Variants in DPYD observed in about 807,000 individuals in gnomAD.
DPYD encodes dihydropyrimidine dehydrogenase [NADP(+)].
In DPYD, 109 loss-of-function variants were observed where a neutral mutation model predicts 116.2. The observed-to-expected ratio is 0.94, with a 90% CI of 0.80 to 1.10. The LOEUF (loss-of-function observed/expected upper bound fraction) is 1.10, where lower values mean the gene tolerates loss of function less well. DPYD is among the 50% of genes least tolerant of loss of function. The pLI, the probability that DPYD is intolerant of heterozygous loss-of-function variation, is 0.00. For missense variants in DPYD, 1,302 were observed against 1,254.5 expected (o/e 1.04, Z -0.57); for synonymous variants, 440 against 432.0 (o/e 1.02, Z -0.23).
intron 14 of DPYD, among the ~76,000 whole-genome samples, chr1:97,418,113 C>G (rs1326880140): frequency 6.6e-6 from 1 of 152,078 alleles, no homozygotes; most frequent in Non-Finnish European, 1.5e-5. Flanking sequence ...TGTGCTTTAG[C>G]ATAACTTACA....
chr1:97,474,644 T>C (rs1382260133), intron 13 of DPYD, among the ~76,000 whole-genome samples: 3 of 151,874 alleles, frequency 2.0e-5, no homozygotes, highest in Admixed American at 1.3e-4. Context: ...AAACAAAAAA[T>C]AAATGATAAA....
chr1:97,393,619 G>A (rs9728815), intron 14 of DPYD, among the ~76,000 whole-genome samples: 29,174 of 151,914 alleles, frequency 0.19, 2,969 homozygotes, highest in South Asian at 0.38. Flanking sequence ...CAAAGGACAT[G>A]GACTCATCCT....
At chr1:97,526,982 A>C (rs1649152585) in intron 12 of DPYD, among the ~76,000 whole-genome samples, 1 of 152,188 alleles carries the variant, frequency 6.6e-6, no homozygotes, top group South Asian at 2.1e-4. Context: ...GGCCCAAAGA[A>C]AGTAAACTGC....
Position 97,846,113 on chromosome 1 carries a change from G to A in DPYD, c.151-17917C>T, listed in dbSNP as rs151110145. 7.5e-3 allele frequency among the ~76,000 whole-genome samples: 1,146 copies of A among 152,318 alleles called. 8 individuals carry two copies. Among genetic ancestry groups the A allele is most frequent in the Non-Finnish European group, 0.013 (875 of 68,008 alleles). ...CTGCTGGGCCGAGTGGGCAGAATGA[G>A]CCCAGGTGGCATGGGCAATACTCAG... On this transcript the variant is annotated intron_variant, in intron 2 of 22. Transcript: ENST00000370192.
intron 20 of DPYD, among the ~76,000 whole-genome samples, chr1:97,134,563 T>A (rs1318582923): frequency 6.6e-6 from 1 of 152,210 alleles, no homozygotes; most frequent in Non-Finnish European, 1.5e-5. Context: ...TTATGCCATT[T>A]TACCAAGTTT....
chr1:97,436,584 AAG>A (rs1178586841), intron 14 of DPYD, among the ~76,000 whole-genome samples: 2 of 152,016 alleles, frequency 1.3e-5, no homozygotes, highest in Non-Finnish European at 2.9e-5. Context: ...GTATTTGAGA[AAG>A]AGTATGTTGT....
At chr1:97,778,089 C>T (rs773446091) in intron 3 of DPYD, among the ~76,000 whole-genome samples, 1 of 139,912 alleles carries the variant, frequency 7.1e-6, no homozygotes, top group South Asian at 2.3e-4. Flanking sequence ...ACCCATGAGA[C>T]GGAGATTGCA....
At chr1:97,155,477 G>T (rs2101729637) in intron 20 of DPYD, among the ~76,000 whole-genome samples, 1 of 152,092 alleles carries the variant, frequency 6.6e-6, no homozygotes. Context: ...TCCATGATTT[G>T]TCTCTGGATA....
At chr1:97,782,652 G>A (rs553247223) in intron 3 of DPYD, among the ~76,000 whole-genome samples, 2 of 152,256 alleles carry the variant, frequency 1.3e-5, no homozygotes, top group African/African-American at 4.8e-5. Context: ...TAGTATAAAG[G>A]CAAGACCAGT....
intron 12 of DPYD, among the ~76,000 whole-genome samples, chr1:97,520,760 A>G (rs1165805834): frequency 2.6e-5 from 4 of 152,096 alleles, no homozygotes; most frequent in Admixed American, 2.6e-4. Context: ...TTTGCTGAGA[A>G]TGGTGGTTTC....
At chr1:97,517,776 G>C (rs1648337521) in intron 12 of DPYD, among the ~76,000 whole-genome samples, 1 of 152,092 alleles carries the variant, frequency 6.6e-6, no homozygotes, top group African/African-American at 2.4e-5. Flanking sequence ...CTCTGTCTTA[G>C]AAACAATGTT....
At chr1:97,449,388 A>G (rs751728915) in intron 14 of DPYD, among the ~76,000 whole-genome samples, 1 of 151,982 alleles carries the variant, frequency 6.6e-6, no homozygotes, top group Non-Finnish European at 1.5e-5. Context: ...AGGAAGGATG[A>G]GAGAGAGAAA....
At chr1:97,324,129 G>T (rs542553312) in intron 16 of DPYD, among the ~76,000 whole-genome samples, 2 of 151,940 alleles carry the variant, frequency 1.3e-5, no homozygotes, top group Admixed American at 1.3e-4. Flanking sequence ...ACAACTCTTG[G>T]TGTTCATTCT....
chr1:97,193,183 G>A lies in DPYD; in HGVS notation c.2508C>T (p.Ala836=), dbSNP rs1297961958. 6.2e-7 allele frequency: 1 copy of A among 1,613,930 alleles called. No homozygotes were observed. Among genetic ancestry groups the A allele is most frequent in the Admixed American group, 1.7e-5 (1 of 60,002 alleles). ...CTTCAATGCTTTTCAGATAAAGCAG[G>A]GCTTTGAGGCCAGTGCAGTAGTCTT... The part of the protein sequence containing the change: ...VIEDYCTGLK[A]LLYLKSIEEL... The change falls in exon 20 of 23, where the codon GCC becomes GCT. Residue 836 remains alanine (A), a synonymous_variant. Transcript: ENST00000370192.
chr1:97,657,546 T>C (rs1659000792), intron 8 of DPYD, among the ~76,000 whole-genome samples: 1 of 152,148 alleles, frequency 6.6e-6, no homozygotes, highest in Non-Finnish European at 1.5e-5. Flanking sequence ...CTCCTCTCAA[T>C]CAGTGAAAAC....
intron 20 of DPYD, among the ~76,000 whole-genome samples, chr1:97,173,138 G>T (rs1656857382): frequency 1.3e-5 from 2 of 151,266 alleles, no homozygotes. Context: ...TTTGTAAAAT[G>T]AGTATATATA....
chr1:97,674,349 G>A (rs12097618), intron 8 of DPYD, among the ~76,000 whole-genome samples: 9,323 of 152,044 alleles, frequency 0.061, 628 homozygotes, highest in African/African-American at 0.17. Flanking sequence ...TTTCCCCTTA[G>A]CCCCTTCTTT....
intron 1 of DPYD, among the ~76,000 whole-genome samples, chr1:97,912,924 T>TAGTATAGTA (rs1228004210): frequency 1.3e-5 from 2 of 152,144 alleles, no homozygotes; most frequent in African/African-American, 4.8e-5. Flanking sequence ...CAGATTAGTA[T>TAGTATAGTA]AGCTTGAATT....
At chr1:97,838,384 G>T (rs1669875619) in intron 2 of DPYD, among the ~76,000 whole-genome samples, 1 of 152,160 alleles carries the variant, frequency 6.6e-6, no homozygotes, top group Non-Finnish European at 1.5e-5. Flanking sequence ...GTGAAAAACA[G>T]AATATATTTT....
Sources: allele counts gnomAD v4.1 joint callset (sites outside exome capture counted in the v4.1 genomes callset), GRCh38; gene constraint gnomAD v4.1.1; transcripts MANE v1.5; gene names NCBI Gene and HGNC (gene_info 2026-07-23, HGNC 2026-07-21).